Variants in ELF4 observed in about 807,000 individuals in gnomAD.
The protein encoded by ELF4 is ETS-related transcription factor Elf-4.
A neutral mutation model predicts 31.7 loss-of-function variants in ELF4; 10 were observed. That is an observed-to-expected ratio of 0.32 (90% CI 0.19 to 0.54). ELF4 has a LOEUF of 0.54. Among genes scored for constraint, ELF4 ranks in the 20% least tolerant of loss-of-function variants. The probability of loss-of-function intolerance (pLI) is 0.95; values close to 1 mark genes in which losing one functional copy is unlikely to be tolerated. For missense variants in ELF4, 418 were observed against 522.0 expected, an observed-to-expected ratio of 0.80 and a Z score of 1.94; for synonymous variants, 208 against 226.7, an observed-to-expected ratio of 0.92 and a Z score of 0.74.
At chrX:130,102,839 A>G (rs1933287399) in intron 1 of ELF4, among the ~76,000 whole-genome samples, 1 of 83,136 alleles carries the variant, frequency 1.2e-5, no homozygotes, top group South Asian at 6.2e-4. Context: ...GAAAGCAAGA[A>G]AGCAAGATAA....
chrX:130,078,730 C>G, intron 2 of ELF4, among the ~76,000 whole-genome samples: 1 of 106,289 alleles, frequency 9.4e-6, no homozygotes, highest in Non-Finnish European at 1.9e-5. Flanking sequence ...GCACTCTAGC[C>G]TGAGCAACAA....
chrX:130,102,960 G>GAGGA (rs1167619118), intron 1 of ELF4, among the ~76,000 whole-genome samples: 580 of 51,296 alleles, frequency 0.011, 36 homozygotes, highest in African/African-American at 0.052. Context: ...GGAAGGGAGG[G>GAGGA]AGGAAGGAAG....
At chrX:130,110,055 C>G (rs938939763) in intron 1 of ELF4, among the ~76,000 whole-genome samples, 4 of 111,865 alleles carry the variant, frequency 3.6e-5, no homozygotes, top group Non-Finnish European at 7.6e-5. Flanking sequence ...GTCACGGAAC[C>G]CAGGCTGCCG....
chrX:130,073,802 G>T (rs750576352), intron 4 of ELF4, among the ~76,000 whole-genome samples: 1 of 112,822 alleles, frequency 8.9e-6, no homozygotes, highest in East Asian at 2.8e-4. Context: ...GTGAGCCACC[G>T]TGCCTGGCCT....
At chrX:130,111,135 C>T (rs1490669781), upstream of ELF4, among the ~76,000 whole-genome samples, 3 of 109,341 alleles carry the variant, frequency 2.7e-5, no homozygotes, top group East Asian at 2.9e-4. Context: ...GCCTCTCATT[C>T]CCCTCGCGGC....
chrX:130,087,538 T>G (rs1321139232), intron 1 of ELF4, among the ~76,000 whole-genome samples: 1 of 112,782 alleles, frequency 8.9e-6, no homozygotes. Flanking sequence ...TGGAGTGCAG[T>G]GGCGCGATCT....
At position 130,065,954 on chromosome X, in the gene ELF4, G is replaced by A. The variant is rs755081220; in HGVS notation, c.*767C>T. The A allele has an allele frequency of 5.1e-4, 89 of 173,646 alleles. No homozygotes were observed. Among genetic ancestry groups the A allele is most frequent in the Non-Finnish European group, 9.3e-4 (85 of 91,055 alleles). 14.3% of individuals were successfully genotyped at this position (173,646 alleles called of 1,213,427 possible). On this transcript the variant is annotated 3_prime_UTR_variant, in exon 9 of 9. Transcript: ENST00000308167. ...CAGGAAGAGTACCTTGGTCCAGCCA[G>A]TGAGGGCTGCTCCCAGAGCTGACTT...
intron 7 of ELF4, among the ~76,000 whole-genome samples, chrX:130,070,259 A>C (rs1932768327): frequency 9.0e-6 from 1 of 110,646 alleles, no homozygotes; most frequent in African/African-American, 3.3e-5. Flanking sequence ...AACATGGTGA[A>C]ACCCCGTCTC....
At chrX:130,074,368 C>T (rs1288271355) in intron 3 of ELF4, among the ~76,000 whole-genome samples, 1 of 111,421 alleles carries the variant, frequency 9.0e-6, no homozygotes, top group African/African-American at 3.3e-5. Context: ...CTCTCCACCC[C>T]CTCAGCTGGT....
In ELF4 at chrX:130,072,431, G is replaced by T. The variant is rs1253604898; in HGVS notation, c.341-14C>A. ...CGGAGGTACTGACTGCAAGAAGAAA[G>T]ACCTGAGGTGGGCGGGGCCCAGGCA... On this transcript the variant is annotated splice_polypyrimidine_tract_variant and intron_variant, in intron 4 of 8. Transcript: ENST00000308167. 7 of 1,209,824 alleles carry T rather than the reference G, an allele frequency of 5.8e-6. No individual in the cohort carries two copies. Among genetic ancestry groups the T allele is most frequent in the South Asian group, 1.8e-5 (1 of 56,835 alleles).
chrX:130,098,173 G>C (rs1165405235), intron 1 of ELF4, among the ~76,000 whole-genome samples: 1 of 112,138 alleles, frequency 8.9e-6, no homozygotes, highest in African/African-American at 3.2e-5. Flanking sequence ...CGCAGTGCCT[G>C]GGGCCCTGCC....
chrX:130,066,562 C>T lies in ELF4; in HGVS notation c.*159G>A. 1 of 557,375 alleles carries T rather than the reference C, an allele frequency of 1.8e-6. No homozygotes were observed. Among genetic ancestry groups the T allele is most frequent in the Non-Finnish European group, 3.0e-6 (1 of 330,070 alleles). 45.9% of individuals were successfully genotyped at this position (557,375 alleles called of 1,213,427 possible). A position where few individuals can be genotyped will look rare whatever the true frequency, so the allele number is the denominator to read the frequency against. ...ATGCCAGGGATGCTTAAGCTGGGCA[C>T]TGTTTGGCCACAGTGACACCAGGCA... On this transcript the variant is annotated 3_prime_UTR_variant, in exon 9 of 9. Transcript: ENST00000308167.
Position 130,067,099 on chromosome X carries a change from C to T in ELF4, c.1614G>A (p.Glu538=). 1 of 1,206,083 alleles carries T rather than the reference C, an allele frequency of 8.3e-7. No homozygotes were observed. The highest frequency in any genetic ancestry group is 1.1e-6 in the Non-Finnish European group (1 of 891,712). Residue 538 remains glutamate, a synonymous_variant, in exon 9 of 9, where the codon GAG becomes GAA. Coordinates refer to ENST00000308167, the MANE Select transcript of ELF4 (RefSeq NM_001421.4). ...CATAGGAGGAGGACCTCAGTGGCCC[C>T]TCCTTGACCCTAGGGGCTGCTGTAG... ...SGTTAAPRVK[E]GPLRSSSYVQ...
intron 8 of ELF4, among the ~76,000 whole-genome samples, chrX:130,068,157 G>T (rs1489546415): frequency 8.9e-6 from 1 of 112,082 alleles, no homozygotes; most frequent in African/African-American, 3.2e-5. Flanking sequence ...ATAGGTCAGG[G>T]ATCATTCTAA....
intron 1 of ELF4, among the ~76,000 whole-genome samples, chrX:130,100,196 GC>G (rs201533858): frequency 0.015 from 1,704 of 111,774 alleles, 21 homozygotes; most frequent in Non-Finnish European, 0.021. Context: ...TAGGCCTGGT[GC>G]AGCAGAAAAC....
Position 130,072,307 on chromosome X carries a change from TA to T in ELF4, c.450del (p.Ser151ValfsTer110). ...TCCAGAGAATGCCCCTCCTGGTCACTAGTGTCACCCGCCCTGTTCAGGGCAT... is the reference window on the plus strand; with the variant it reads ...TCCAGAGAATGCCCCTCCTGGTCACTGTGTCACCCGCCCTGTTCAGGGCAT... The part of the protein sequence containing the change: ...EPDALNRAGD[T>X]SDQEGHSLEE... On this transcript the variant is annotated frameshift_variant, in exon 5 of 9. Transcript: ENST00000308167. LOFTEE classifies it high-confidence loss of function. The T allele has an allele frequency of 8.2e-7, 1 of 1,212,277 alleles. No homozygotes were observed. Among genetic ancestry groups the T allele is most frequent in the Non-Finnish European group, 1.1e-6 (1 of 895,571 alleles).
rs1556172026 is a variant in ELF4 at position 130,063,972 on chromosome X, T to TTCATTATTA, written c.*2748_*2749insTAATAATGA. 1.1e-5 allele frequency among the ~76,000 whole-genome samples: 1 copy of TTCATTATTA among 93,325 alleles called. No individual in the cohort carries two copies. Among genetic ancestry groups the TTCATTATTA allele is most frequent in the Non-Finnish European group, 2.1e-5 (1 of 47,854 alleles). 81.0% of individuals were successfully genotyped at this position (93,325 alleles called of 115,157 possible). A position where few individuals can be genotyped will look rare whatever the true frequency, so the allele number is the denominator to read the frequency against. ...TGACGGCCTTTTTGTTTGCTTGATTTTTATTATTATTATTATTATTATTAT... is the reference window on the plus strand; with the variant it reads ...TGACGGCCTTTTTGTTTGCTTGATTTTCATTATTATTATTATTATTATTATTATTATTAT... On this transcript the variant is annotated 3_prime_UTR_variant, in exon 9 of 9. Transcript: ENST00000308167.
chrX:130,097,596 A>G (rs1264956786), intron 1 of ELF4, among the ~76,000 whole-genome samples: 1 of 112,498 alleles, frequency 8.9e-6, no homozygotes, highest in Non-Finnish European at 1.9e-5. Flanking sequence ...GATAGTGATG[A>G]TGAAGATTTT....
chrX:130,085,086 T>C (rs1364129153), intron 1 of ELF4, among the ~76,000 whole-genome samples: 1 of 111,745 alleles, frequency 8.9e-6, no homozygotes, highest in African/African-American at 3.3e-5. Context: ...TAGTAACTGG[T>C]GGTGAATTCC....
Sources: gnomAD v4.1 joint callset for allele counts (sites outside exome capture counted in the v4.1 genomes callset) on GRCh38, gnomAD v4.1.1 for gene constraint, MANE v1.5 for transcripts, NCBI Gene and HGNC (gene_info 2026-07-23, HGNC 2026-07-21) for gene names.